The following NOC2L variants were observed in gnomAD, a reference collection of about 807,000 sequenced individuals.
NOC2L encodes NOC2 like nucleolar associated transcriptional repressor, also known as nucleolar complex protein 2 homolog.
Under a neutral mutation model 94.2 loss-of-function variants are expected in NOC2L, and 101 were observed. The observed-to-expected ratio is 1.07, with a 90% CI of 0.91 to 1.26. NOC2L has a LOEUF of 1.26. NOC2L is among the 50% of genes most tolerant of loss of function. The pLI is 0.00. For synonymous variants in NOC2L, 531 were observed against 413.4 expected, an observed-to-expected ratio of 1.28 and a Z score of -3.45; for missense variants, 1,076 against 980.1, an observed-to-expected ratio of 1.10 and a Z score of -1.31.
In NOC2L at chr1:944,526, C is replaced by G. The variant is rs997175541; in HGVS notation, c.*168G>C. 2.2e-5 allele frequency: 14 copies of G among 626,324 alleles called. 1 individual carries two copies. The Middle Eastern group carries it at 3.4e-3, about 154-fold the overall frequency. 38.8% of individuals were successfully genotyped at this position (626,324 alleles called of 1,614,324 possible). On this transcript the variant is annotated 3_prime_UTR_variant, in exon 19 of 19. Transcript: ENST00000327044. ...GCCACACCAGCCCAGCCCAGCCCAGCTCTCGATACGTTTGGTCTTTCATGC... is the reference window on the plus strand; with the variant it reads ...GCCACACCAGCCCAGCCCAGCCCAGGTCTCGATACGTTTGGTCTTTCATGC...
chr1:955,463 C>T (rs1234016006), intron 6 of NOC2L, among the ~76,000 whole-genome samples: 2 of 152,228 alleles, frequency 1.3e-5, no homozygotes. Context: ...ACGGCCTTCT[C>T]TGCCCAATCT....
rs992303418 is a variant in NOC2L, at chr1:944,535, C to T, written c.*159G>A. ...GCCCAGCCCAGCCCAGCTCTCGATA[C>T]GTTTGGTCTTTCATGCTGAAAAATA... On this transcript the variant is annotated 3_prime_UTR_variant, in exon 19 of 19. Coordinates refer to ENST00000327044, the MANE Select transcript of NOC2L (RefSeq NM_015658.4). 4.5e-5 allele frequency: 28 copies of T among 624,802 alleles called. No individual in the cohort carries two copies. The Admixed American group carries it at 6.9e-4, about 16-fold the overall frequency. 38.7% of individuals were successfully genotyped at this position (624,802 alleles called of 1,614,324 possible). A position where few individuals can be genotyped will look rare whatever the true frequency, so the allele number is the denominator to read the frequency against.
intron 6 of NOC2L, chr1:954,668 AC>A (rs2100393206): frequency 6.6e-6 from 1 of 152,492 alleles, no homozygotes; most frequent in South Asian, 2.1e-4. Flanking sequence ...CCCCGTCTCT[AC>A]AAAAATATAC....
intron 4 of NOC2L, 116 bp from the exon 5 acceptor site, chr1:956,331 G>A (rs915251945): frequency 1.6e-6 from 2 of 1,226,946 alleles, no homozygotes; most frequent in African/African-American, 1.5e-5. Flanking sequence ...TAGGGCAGAG[G>A]TTGGGGGGAG....
At chr1:952,715 G>A (rs1349085510) in intron 9 of NOC2L, 115 bp from the exon 10 acceptor site, 4 of 1,040,886 alleles carry the variant, frequency 3.8e-6, no homozygotes, top group South Asian at 2.8e-5. Context: ...CCTCGAGGAA[G>A]AGCCGTAGCC....
chr1:948,368 C>T, intron 13 of NOC2L, 122 bp downstream of exon 13: 2 of 1,043,240 alleles, frequency 1.9e-6, no homozygotes, highest in Non-Finnish European at 1.4e-6. Context: ...GGGCCCCAGC[C>T]CTGGGAGACC....
intron 13 of NOC2L, 90 bp from the exon 14 acceptor site, chr1:948,322 C>T (rs1642171240): frequency 8.4e-7 from 1 of 1,195,328 alleles, no homozygotes. Context: ...AGGGCAGCGC[C>T]ATCTCCAGGG....
chr1:957,323 G>A (rs1428637883), intron 2 of NOC2L, 50 bp from the exon 3 acceptor site: 6 of 1,574,642 alleles, frequency 3.8e-6, no homozygotes, highest in Middle Eastern at 1.7e-4. Context: ...AGTAGAGGGG[G>A]CGGGGAGTGG....
chr1:949,188 G>T (rs1163110573), intron 12 of NOC2L, among the ~76,000 whole-genome samples: 1 of 152,060 alleles, frequency 6.6e-6, no homozygotes, highest in Non-Finnish European at 1.5e-5. Context: ...AGTCAGCCTG[G>T]CCTCTCAGTC....
At chr1:951,660 G>A (rs551237511) in intron 11 of NOC2L, among the ~76,000 whole-genome samples, 1 of 152,316 alleles carries the variant, frequency 6.6e-6, no homozygotes, top group African/African-American at 2.4e-5. Flanking sequence ...CACCCAAAAT[G>A]CAGTTCACTG....
rs112515609 is a variant in NOC2L, at chr1:950,349, A to G, written c.1443+778T>C. ...TGCATGCACACAGATGCACACATGCAAAGGTTCATGCATGCACAGGTAGAC... is the reference window on the plus strand; with the variant it reads ...TGCATGCACACAGATGCACACATGCGAAGGTTCATGCATGCACAGGTAGAC... On this transcript the variant is annotated intron_variant, in intron 12 of 18. Coordinates refer to ENST00000327044, the MANE Select transcript of NOC2L (RefSeq NM_015658.4). Among the ~76,000 whole-genome samples the G allele has an allele frequency of 3.9e-5, 6 of 152,204 alleles. 1 individual carries two copies. Among genetic ancestry groups the G allele is most frequent in the African/African-American group, 1.4e-4 (6 of 41,498 alleles).
chr1:957,189 C>T lies in NOC2L; in HGVS notation c.264G>A (p.Gln88=), dbSNP rs41285806. The part of the protein sequence containing the change: ...DRDPEFYKFL[Q]ENDQSLLNFS... ...AGTTTAGCAGGCTCTGGTCATTCTC[C>T]TGCAGGAACTTGTAGAACTCGGGGT... The change falls in exon 3 of 19, where the codon CAG becomes CAA. Residue 88 remains glutamine (Q), a synonymous_variant. Transcript: ENST00000327044. The T allele has an allele frequency of 9.7e-3, 15,601 of 1,614,072 alleles. 95 individuals are homozygous for T. Among genetic ancestry groups the T allele is most frequent in the Non-Finnish European group, 0.012 (13,992 of 1,180,036 alleles).
Position 944,254 on chromosome 1 carries a change from C to T in NOC2L, c.*440G>A. 1 of 1,449,990 alleles carries T rather than the reference C, an allele frequency of 6.9e-7. No individual in the cohort carries two copies. The highest frequency in any genetic ancestry group is 1.9e-4 in the Middle Eastern group (1 of 5,380). 89.8% of individuals were successfully genotyped at this position (1,449,990 alleles called of 1,614,324 possible). A position where few individuals can be genotyped will look rare whatever the true frequency, so the allele number is the denominator to read the frequency against. On this transcript the variant is annotated 3_prime_UTR_variant, in exon 19 of 19. Coordinates refer to ENST00000327044, the MANE Select transcript of NOC2L (RefSeq NM_015658.4). ...GCTTTATTTCTTTCGGTTTCGGATG[C>T]AAAACAAAAAATTTTAAAAGAAAAT...
Position 951,340 on chromosome 1 carries a change from C to A in NOC2L, c.1332-102G>T. The A allele has an allele frequency of 4.4e-6, 4 of 907,640 alleles. No homozygotes were observed. The South Asian group carries it at 5.8e-5, about 13-fold the overall frequency. The allele number at this position is 907,640 out of a possible 1,614,324, so 56.2% of individuals were successfully genotyped here. ...CCTCCCCCACTCACCGACATCAGAC[C>A]CCTAAAGCAGGACAAGGCACGTCTG... On this transcript the variant is annotated intron_variant, in intron 11 of 18. Transcript: ENST00000327044.
intron 12 of NOC2L, 129 bp downstream of exon 12, chr1:950,998 A>G: frequency 1.4e-6 from 1 of 723,480 alleles, no homozygotes; most frequent in Non-Finnish European, 2.5e-6. Flanking sequence ...TGTCCTCGTG[A>G]CACCCGTGAC....
At position 959,204 on chromosome 1, in the gene NOC2L, C is replaced by G; in HGVS notation, c.26+11G>C. ...CGGGAGGCCAAATCGGCCCTCGGAC[C>G]CGCGGCTTACCTCTTGCGGCTCCCC... On this transcript the variant is annotated intron_variant, in intron 1 of 18. Coordinates refer to ENST00000327044, the MANE Select transcript of NOC2L (RefSeq NM_015658.4). 2 of 1,610,340 alleles carry G rather than the reference C, an allele frequency of 1.2e-6. No homozygotes were observed. Among genetic ancestry groups the G allele is most frequent in the Non-Finnish European group, 1.7e-6 (2 of 1,178,966 alleles).
intron 6 of NOC2L, 159 bp from the exon 7 acceptor site, chr1:954,241 C>A: frequency 1.6e-6 from 1 of 638,398 alleles, no homozygotes; most frequent in Non-Finnish European, 2.7e-6. Context: ...TACAGCTGGA[C>A]AGACACAGGG....
intron 2 of NOC2L, chr1:958,003 G>A (rs1423157132): frequency 6.6e-6 from 1 of 151,632 alleles, no homozygotes; most frequent in African/African-American, 2.4e-5. Flanking sequence ...TACTGTCTGT[G>A]TGGCCTCCTT....
rs1246719898 is a variant in NOC2L, at chr1:944,524, A to C, written c.*170T>G. The stretch of plus-strand genomic sequence containing the variant: ...CAGCCACACCAGCCCAGCCCAGCCC[A>C]GCTCTCGATACGTTTGGTCTTTCAT... On this transcript the variant is annotated 3_prime_UTR_variant, in exon 19 of 19. Transcript: ENST00000327044. The C allele has an allele frequency of 4.8e-6, 3 of 624,056 alleles. No homozygotes were observed. Among genetic ancestry groups the C allele is most frequent in the African/African-American group, 3.7e-5 (2 of 53,408 alleles). The allele number at this position is 624,056 out of a possible 1,614,324, so 38.7% of individuals were successfully genotyped here.
Sources: allele counts gnomAD v4.1 joint callset (sites outside exome capture counted in the v4.1 genomes callset), GRCh38; gene constraint gnomAD v4.1.1; transcripts MANE v1.5; gene names NCBI Gene and HGNC (gene_info 2026-07-23, HGNC 2026-07-21).